Variants in ANKS1B observed in about 807,000 individuals in gnomAD.
ANKS1B encodes the protein ankyrin repeat and sterile alpha motif domain-containing protein 1B.
Under a neutral mutation model 148.3 loss-of-function variants are expected in ANKS1B, and 36 were observed. That is an observed-to-expected ratio of 0.24 (90% confidence interval 0.19 to 0.32). The LOEUF (loss-of-function observed/expected upper bound fraction) is 0.32. Ranked by LOEUF, ANKS1B falls within the 10% of genes least tolerant of loss-of-function variation. The pLI, the probability that ANKS1B is intolerant of heterozygous loss-of-function variation, is 1.00. For missense variants in ANKS1B, 1,157 were observed against 1,542.6 expected, an observed-to-expected ratio of 0.75 and a Z score of 4.19; for synonymous variants, 542 against 560.8, an observed-to-expected ratio of 0.97 and a Z score of 0.47.
In ANKS1B at chr12:99,761,065, C is replaced by CAAAAAAAAAAA. The variant is rs60542272; in HGVS notation, c.1128+11846_1128+11856dup. Among the ~76,000 whole-genome samples the CAAAAAAAAAAA allele has an allele frequency of 5.1e-5, 5 of 98,712 alleles. 2 individuals carry two copies. The highest frequency in any genetic ancestry group is 3.9e-5 in the African/African-American group (1 of 25,722). 64.8% of individuals were successfully genotyped at this position (98,712 alleles called of 152,430 possible). On this transcript the variant is annotated intron_variant, in intron 8 of 26. Transcript: ENST00000683438. ...AATCAGTAATAAAAAGCCTAACAAC[C>CAAAAAAAAAAA]AAAAAAAAAAAAAAAAAACCCTGGA...
At chr12:99,372,848 G>C (rs2093214293) in intron 12 of ANKS1B, among the ~76,000 whole-genome samples, 1 of 151,956 alleles carries the variant, frequency 6.6e-6, no homozygotes. Flanking sequence ...TGGTTATTTT[G>C]AAATTATCAT....
intron 9 of ANKS1B, among the ~76,000 whole-genome samples, chr12:99,628,972 T>C (rs765781329): frequency 6.6e-6 from 1 of 152,210 alleles, no homozygotes; most frequent in African/African-American, 2.4e-5. Context: ...AGGATTCTAA[T>C]TTATTTATTT....
chr12:99,504,992 C>A (rs1159449698), intron 9 of ANKS1B, among the ~76,000 whole-genome samples: 1 of 151,926 alleles, frequency 6.6e-6, no homozygotes, highest in Non-Finnish European at 1.5e-5. Context: ...CCATATAACT[C>A]GGAGACACCC....
At chr12:99,457,265 T>C (rs1423805190) in intron 10 of ANKS1B, among the ~76,000 whole-genome samples, 1 of 152,012 alleles carries the variant, frequency 6.6e-6, no homozygotes, top group South Asian at 2.1e-4. Context: ...TCTAAATTTT[T>C]TTTTAACCTC....
At chr12:99,661,310 G>T (rs1394849454) in intron 8 of ANKS1B, among the ~76,000 whole-genome samples, 2 of 152,170 alleles carry the variant, frequency 1.3e-5, no homozygotes, top group Non-Finnish European at 2.9e-5. Context: ...ATGAGAAGAA[G>T]TTAATCACTT....
chr12:99,922,189 G>A (rs1222818041), intron 1 of ANKS1B, among the ~76,000 whole-genome samples: 1 of 152,106 alleles, frequency 6.6e-6, no homozygotes, highest in Non-Finnish European at 1.5e-5. Context: ...TAAATAAGTG[G>A]TACTTATTAT....
chr12:99,673,240 T>C (rs1475794117), intron 8 of ANKS1B, among the ~76,000 whole-genome samples: 1 of 152,054 alleles, frequency 6.6e-6, no homozygotes, highest in African/African-American at 2.4e-5. Context: ...AATAATCATA[T>C]CAAGACATAC....
At chr12:98,933,350 A>C (rs2099815449) in intron 17 of ANKS1B, among the ~76,000 whole-genome samples, 1 of 152,136 alleles carries the variant, frequency 6.6e-6, no homozygotes, top group South Asian at 2.1e-4. Flanking sequence ...ATAGTATTCC[A>C]TTGTATGCAA....
intron 12 of ANKS1B, among the ~76,000 whole-genome samples, chr12:99,261,625 G>A (rs937729295): frequency 1.3e-5 from 2 of 151,922 alleles, no homozygotes; most frequent in Admixed American, 6.6e-5. Context: ...ATCACACAGC[G>A]AATCCTGGTG....
At chr12:99,926,791 A>T (rs1207905986) in intron 1 of ANKS1B, among the ~76,000 whole-genome samples, 4 of 152,160 alleles carry the variant, frequency 2.6e-5, no homozygotes, top group Non-Finnish European at 5.9e-5. Flanking sequence ...AATAGCTACA[A>T]ATGTTCCAGA....
intron 14 of ANKS1B, among the ~76,000 whole-genome samples, chr12:99,206,140 G>C (rs995687579): frequency 2.6e-5 from 4 of 152,150 alleles, no homozygotes; most frequent in Non-Finnish European, 5.9e-5. Flanking sequence ...AACAAGGTAC[G>C]CTGTGAAAGC....
At chr12:99,189,811 A>G (rs1345630287) in intron 14 of ANKS1B, among the ~76,000 whole-genome samples, 1 of 152,202 alleles carries the variant, frequency 6.6e-6, no homozygotes, top group Non-Finnish European at 1.5e-5. Context: ...CACCACTCCT[A>G]TTCAACATAG....
chr12:99,381,011 A>C (rs535625374), intron 12 of ANKS1B, among the ~76,000 whole-genome samples: 3 of 152,306 alleles, frequency 2.0e-5, no homozygotes, highest in East Asian at 3.9e-4. Context: ...GACCCAGAGA[A>C]GAAGGCCATG....
At chr12:99,701,968 C>G (rs2054904481) in intron 8 of ANKS1B, among the ~76,000 whole-genome samples, 1 of 152,146 alleles carries the variant, frequency 6.6e-6, no homozygotes, top group Non-Finnish European at 1.5e-5. Context: ...GCTTCCAAAT[C>G]TTGGCTATTA....
chr12:99,904,521 A>G (rs1221133346), intron 1 of ANKS1B, among the ~76,000 whole-genome samples: 2 of 152,156 alleles, frequency 1.3e-5, no homozygotes, highest in Admixed American at 1.3e-4. Context: ...CACACACAGT[A>G]CATTATATTC....
intron 8 of ANKS1B, among the ~76,000 whole-genome samples, chr12:99,708,888 CATAA>C (rs2056226489): frequency 6.6e-6 from 1 of 152,108 alleles, no homozygotes; most frequent in East Asian, 1.9e-4. Flanking sequence ...GGTCCTGTCT[CATAA>C]ATGTTTTAAT....
At chr12:99,636,594 A>G (rs191798075) in intron 9 of ANKS1B, among the ~76,000 whole-genome samples, 7 of 152,094 alleles carry the variant, frequency 4.6e-5, no homozygotes, top group Non-Finnish European at 1.0e-4. Flanking sequence ...AAAACCAGAA[A>G]ATTTTTTTTA....
chr12:99,079,401 A>G (rs186415026), intron 16 of ANKS1B, among the ~76,000 whole-genome samples: 151 of 152,300 alleles, frequency 9.9e-4, no homozygotes, highest in Middle Eastern at 6.8e-3. Flanking sequence ...AAAAATAAAT[A>G]TATGTAGCTC....
chr12:98,922,579 A>G (rs1596991744), intron 17 of ANKS1B, among the ~76,000 whole-genome samples: 1 of 152,076 alleles, frequency 6.6e-6, no homozygotes, highest in African/African-American at 2.4e-5. Flanking sequence ...GCTCACTGCA[A>G]CCTCTGCCTC....
Sources: gnomAD v4.1 joint callset for allele counts (sites outside exome capture counted in the v4.1 genomes callset) on GRCh38, gnomAD v4.1.1 for gene constraint, MANE v1.5 for transcripts, NCBI Gene and HGNC (gene_info 2026-07-23, HGNC 2026-07-21) for gene names.